Variants in GIGYF2 observed in about 807,000 individuals in gnomAD.
GIGYF2 encodes GRB10-interacting GYF protein 2.
GIGYF2 carries 25 observed loss-of-function variants against 208.1 expected under a neutral mutation model. The ratio of observed to expected loss-of-function variants is 0.12; its 90% CI spans 0.09 to 0.17. The LOEUF is 0.17. Among genes scored for constraint, GIGYF2 ranks in the 10% least tolerant of loss-of-function variants. The probability of loss-of-function intolerance (pLI) is 1.00; values close to 1 mark genes in which losing one functional copy is unlikely to be tolerated. For synonymous variants in GIGYF2, 534 were observed against 543.8 expected, an observed-to-expected ratio of 0.98 and a Z score of 0.25; for missense variants, 1,302 against 1,579.4, an observed-to-expected ratio of 0.82 and a Z score of 2.98.
At chr2:232,768,863 A>C in intron 8 of GIGYF2, 5 of 1,481,994 alleles carry the variant, frequency 3.4e-6, no homozygotes, top group African/African-American at 1.4e-5. Context: ...TTTAAATATC[A>C]ATACTTTTTC....
At chr2:232,731,677 A>G (rs1400306526) in intron 2 of GIGYF2, among the ~76,000 whole-genome samples, 1 of 152,224 alleles carries the variant, frequency 6.6e-6, no homozygotes, top group Non-Finnish European at 1.5e-5. Context: ...GTTTTAGTTT[A>G]ACAGTGGGCA....
intron 8 of GIGYF2, chr2:232,767,057 T>TA (rs1227824113): frequency 6.6e-6 from 1 of 152,036 alleles, no homozygotes; most frequent in Non-Finnish European, 1.5e-5. Context: ...ATAGATAAAA[T>TA]AAAAAACAGA....
At chr2:232,733,739 A>G (rs1355813445) in intron 2 of GIGYF2, among the ~76,000 whole-genome samples, 1 of 152,238 alleles carries the variant, frequency 6.6e-6, no homozygotes, top group Non-Finnish European at 1.5e-5. Context: ...ACCTATGTAC[A>G]TACTTCTATA....
At chr2:232,701,831 A>G (rs915730499) in intron 1 of GIGYF2, among the ~76,000 whole-genome samples, 1 of 152,104 alleles carries the variant, frequency 6.6e-6, no homozygotes. Flanking sequence ...TGAACTGTGT[A>G]ATTTTTTAAG....
intron 23 of GIGYF2, among the ~76,000 whole-genome samples, chr2:232,840,425 G>A (rs1008885497): frequency 1.3e-5 from 2 of 152,142 alleles, no homozygotes; most frequent in African/African-American, 4.8e-5. Context: ...AGGGTAGGAA[G>A]GATACAAAAG....
chr2:232,713,639 T>G (rs1182545097), intron 2 of GIGYF2, among the ~76,000 whole-genome samples: 1 of 152,236 alleles, frequency 6.6e-6, no homozygotes, highest in African/African-American at 2.4e-5. Context: ...TTATACCTAG[T>G]CATGCATCCT....
intron 14 of GIGYF2, among the ~76,000 whole-genome samples, chr2:232,804,959 A>G (rs912006453): frequency 2.0e-5 from 3 of 151,818 alleles, no homozygotes; most frequent in African/African-American, 7.3e-5. Flanking sequence ...TCAAAGAAAC[A>G]TACTATATGT....
At chr2:232,742,717 A>T (rs1022144184) in intron 3 of GIGYF2, among the ~76,000 whole-genome samples, 4 of 152,330 alleles carry the variant, frequency 2.6e-5, no homozygotes, top group Admixed American at 2.6e-4. Flanking sequence ...TAAAACTAAT[A>T]GGACATGGTA....
chr2:232,850,558 G>C lies in GIGYF2; in HGVS notation c.3832+149G>C, dbSNP rs1574954925. Reference sequence around the variant, plus strand: ...TGTTTTAACTGGTTCAAAATAAGTAGCCAGTATTTACTGGGCGTCTCAGTG... The same window carrying C: ...TGTTTTAACTGGTTCAAAATAAGTACCCAGTATTTACTGGGCGTCTCAGTG... On this transcript the variant is annotated intron_variant, in intron 28 of 28. Transcript: ENST00000373563. 6.1e-6 allele frequency: 5 copies of C among 816,364 alleles called. No homozygotes were observed. The East Asian group carries it at 1.3e-4, about 22-fold the overall frequency. 50.6% of individuals were successfully genotyped at this position (816,364 alleles called of 1,614,324 possible).
chr2:232,786,041 T>A (rs1699897167), intron 8 of GIGYF2, among the ~76,000 whole-genome samples: 1 of 152,226 alleles, frequency 6.6e-6, no homozygotes, highest in Non-Finnish European at 1.5e-5. Flanking sequence ...GACTGAAGAA[T>A]TTGTTTGCAC....
At chr2:232,848,495 A>G (rs553584736) in intron 27 of GIGYF2, among the ~76,000 whole-genome samples, 30 of 152,294 alleles carry the variant, frequency 2.0e-4, no homozygotes, top group Admixed American at 9.8e-4. Flanking sequence ...TTAGCCAGGC[A>G]TGGTGGTGTG....
At chr2:232,774,034 C>A (rs1699398714) in intron 8 of GIGYF2, among the ~76,000 whole-genome samples, 1 of 150,850 alleles carries the variant, frequency 6.6e-6, no homozygotes, top group Non-Finnish European at 1.5e-5. Context: ...GTAACACTAG[C>A]ACTTTGGGAC....
In GIGYF2 at chr2:232,857,232, T is replaced by G. The variant is rs1199529613; in HGVS notation, c.*372T>G. 2 of 339,688 alleles carry G rather than the reference T, an allele frequency of 5.9e-6. No individual in the cohort carries two copies. The highest frequency in any genetic ancestry group is 2.1e-5 in the African/African-American group (1 of 47,244). The allele number at this position is 339,688 out of a possible 1,614,324, so 21.0% of individuals were successfully genotyped here. A position where few individuals can be genotyped will look rare whatever the true frequency, so the allele number is the denominator to read the frequency against. On this transcript the variant is annotated 3_prime_UTR_variant, in exon 29 of 29. Transcript: ENST00000373563. ...TTCTCTTGTCACTTTTTTTCTTCTA[T>G]TTTGTTTTTTCTTCTTCTTTTTCCC...
Position 232,856,803 on chromosome 2 carries a change from C to G in GIGYF2, c.3843C>G (p.Val1281=), listed in dbSNP as rs536044025. 1.9e-6 allele frequency: 3 copies of G among 1,612,452 alleles called. No individual in the cohort carries two copies. The highest frequency in any genetic ancestry group is 2.5e-6 in the Non-Finnish European group (3 of 1,178,470). ...GTTTTTTTTCTGCAGGATTTTCAGTCAATGCATCATCGGAGCGACTCAACA... is the reference window on the plus strand; with the variant it reads ...GTTTTTTTTCTGCAGGATTTTCAGTGAATGCATCATCGGAGCGACTCAACA... ...RADPSLLGFS[V]NASSERLNMG... The change falls in exon 29 of 29, where the codon GTC becomes GTG. Residue 1281 remains valine, a synonymous_variant. Coordinates refer to ENST00000373563, the MANE Select transcript of GIGYF2 (RefSeq NM_001103146.3).
At chr2:232,848,855 A>G (rs542601483) in intron 27 of GIGYF2, among the ~76,000 whole-genome samples, 1 of 152,330 alleles carries the variant, frequency 6.6e-6, no homozygotes, top group South Asian at 2.1e-4. Flanking sequence ...AAGCACTACA[A>G]GTATTCATTT....
chr2:232,747,008 C>A (rs1698174331), intron 3 of GIGYF2, among the ~76,000 whole-genome samples: 1 of 152,130 alleles, frequency 6.6e-6, no homozygotes, highest in Admixed American at 6.6e-5. Context: ...ACAGTATAAA[C>A]CTAGCTGCAG....
At chr2:232,847,671 T>C (rs1702066343) in intron 27 of GIGYF2, 100 bp downstream of exon 27, 1 of 1,488,020 alleles carries the variant, frequency 6.7e-7, no homozygotes, top group Non-Finnish European at 9.2e-7. Context: ...ACCATTTTTG[T>C]ATATCCAATA....
chr2:232,753,200 T>A (rs1698400684), intron 5 of GIGYF2, among the ~76,000 whole-genome samples: 1 of 152,022 alleles, frequency 6.6e-6, no homozygotes, highest in African/African-American at 2.4e-5. Flanking sequence ...CTTGGCTCAC[T>A]GCAACCTCCG....
chr2:232,764,887 G>A (rs1200365233), intron 8 of GIGYF2, among the ~76,000 whole-genome samples: 1 of 152,012 alleles, frequency 6.6e-6, no homozygotes, highest in Non-Finnish European at 1.5e-5. Flanking sequence ...TCCAATGAGG[G>A]TAATTTTCTT....
Sources: allele counts gnomAD v4.1 joint callset (sites outside exome capture counted in the v4.1 genomes callset), GRCh38; gene constraint gnomAD v4.1.1; transcripts MANE v1.5; gene names NCBI Gene and HGNC (gene_info 2026-07-23, HGNC 2026-07-21).